NR5A2: variants seen among roughly 807,000 people sequenced by gnomAD.
The protein encoded by NR5A2 is nuclear receptor subfamily 5 group A member 2.
In NR5A2, 26 loss-of-function variants were observed where a neutral mutation model predicts 62.7. The observed-to-expected ratio is 0.41, with a 90% confidence interval of 0.30 to 0.58. NR5A2 has a LOEUF of 0.58. NR5A2 is among the 20% of genes least tolerant of loss of function. The pLI, the probability that NR5A2 is intolerant of heterozygous loss-of-function variation, is 0.22. For synonymous variants in NR5A2, 246 were observed against 241.7 expected, an observed-to-expected ratio of 1.02 and a Z score of -0.16; for missense variants, 541 against 669.1, an observed-to-expected ratio of 0.81 and a Z score of 2.11.
chr1:200,161,598 A>T (rs1653647019), intron 7 of NR5A2, among the ~76,000 whole-genome samples: 1 of 152,180 alleles, frequency 6.6e-6, no homozygotes, highest in South Asian at 2.1e-4. Flanking sequence ...CAAACATATC[A>T]AATGGTTTTC....
chr1:200,131,468 T>C (rs745554838), intron 7 of NR5A2, among the ~76,000 whole-genome samples: 6 of 152,232 alleles, frequency 3.9e-5, no homozygotes, highest in Non-Finnish European at 5.9e-5. Context: ...ATGCTTATCT[T>C]GTCATTTTGC....
At chr1:200,148,444 G>A (rs530878159) in intron 7 of NR5A2, among the ~76,000 whole-genome samples, 3 of 152,156 alleles carry the variant, frequency 2.0e-5, no homozygotes, top group Non-Finnish European at 4.4e-5. Flanking sequence ...GAAGACACCA[G>A]CCCCAGGCAG....
intron 7 of NR5A2, among the ~76,000 whole-genome samples, chr1:200,144,703 CT>C (rs1244007317): frequency 3.3e-5 from 5 of 152,188 alleles, no homozygotes; most frequent in African/African-American, 1.2e-4. Flanking sequence ...TTAAGAAACT[CT>C]TGTGTACTAG....
intron 5 of NR5A2, among the ~76,000 whole-genome samples, chr1:200,097,045 A>C (rs1665135162): frequency 6.6e-6 from 1 of 152,234 alleles, no homozygotes; most frequent in African/African-American, 2.4e-5. Context: ...AGCCATGAGA[A>C]TACCTCTAGA....
At chr1:200,073,235 C>CATATATATATATATATATAT (rs3033980) in intron 5 of NR5A2, among the ~76,000 whole-genome samples, 3 of 105,928 alleles carry the variant, frequency 2.8e-5, no homozygotes, top group African/African-American at 1.1e-4. Context: ...CATTTACATA[C>CATATATATATATATATATAT]ATATATATAT....
intron 7 of NR5A2, among the ~76,000 whole-genome samples, chr1:200,164,502 A>C (rs1035646416): frequency 1.3e-4 from 20 of 152,086 alleles, no homozygotes; most frequent in African/African-American, 4.6e-4. Flanking sequence ...AAATATGCAC[A>C]ATGTAAAATT....
intron 5 of NR5A2, among the ~76,000 whole-genome samples, chr1:200,062,976 A>G (rs1474457595): frequency 9.9e-5 from 15 of 151,926 alleles, no homozygotes; most frequent in Non-Finnish European, 2.2e-4. Context: ...ACTTAGTTCA[A>G]GTAACATCAG....
At chr1:200,132,967 A>T (rs1475593396) in intron 7 of NR5A2, among the ~76,000 whole-genome samples, 1 of 152,216 alleles carries the variant, frequency 6.6e-6, no homozygotes, top group African/African-American at 2.4e-5. Flanking sequence ...CTTATTTCTG[A>T]GTAAGAAAAT....
At chr1:200,041,010 G>A (rs1356889626) in intron 2 of NR5A2, among the ~76,000 whole-genome samples, 1 of 152,172 alleles carries the variant, frequency 6.6e-6, no homozygotes, top group African/African-American at 2.4e-5. Flanking sequence ...ATGGGAACCC[G>A]GTTGGTCCAA....
intron 7 of NR5A2, among the ~76,000 whole-genome samples, chr1:200,164,864 G>A (rs1400152104): frequency 1.5e-5 from 2 of 133,676 alleles, no homozygotes; most frequent in East Asian, 4.5e-4. Context: ...ATTTTTTAGA[G>A]CAGTTTTTTT....
intron 5 of NR5A2, among the ~76,000 whole-genome samples, chr1:200,103,302 T>A (rs1416914469): frequency 6.6e-6 from 1 of 152,002 alleles, no homozygotes; most frequent in Non-Finnish European, 1.5e-5. Flanking sequence ...TTTTTGTATT[T>A]TTGGTAGAGA....
At chr1:200,049,026 T>TG (rs919012079) in intron 5 of NR5A2, among the ~76,000 whole-genome samples, 7 of 152,014 alleles carry the variant, frequency 4.6e-5, no homozygotes, top group Non-Finnish European at 8.8e-5. Context: ...GCTCTTAGTT[T>TG]GGGGGGGCTG....
intron 5 of NR5A2, among the ~76,000 whole-genome samples, chr1:200,086,242 A>G (rs1464512363): frequency 6.6e-6 from 1 of 152,192 alleles, no homozygotes; most frequent in Non-Finnish European, 1.5e-5. Flanking sequence ...TATTTATGCC[A>G]AACAATTAAG....
At chr1:200,060,987 G>T (rs1663185855) in intron 5 of NR5A2, among the ~76,000 whole-genome samples, 1 of 149,016 alleles carries the variant, frequency 6.7e-6, no homozygotes, top group African/African-American at 2.5e-5. Flanking sequence ...TGGCATGGCA[G>T]CGGCCACCTG....
At position 200,123,744 on chromosome 1, in the gene NR5A2, T is replaced by TA. The variant is rs1476526621; in HGVS notation, c.1378+2790dup. ...TCAGAAGTTTTATTTTTATTTTACT[T>TA]ATTTAATTTTTTTTTTTTTTTGCTT... On this transcript the variant is annotated intron_variant, in intron 7 of 7. Coordinates refer to ENST00000367362, the MANE Select transcript of NR5A2 (RefSeq NM_205860.3). Among the ~76,000 whole-genome samples, 433 of 146,298 alleles carry TA rather than the reference T, an allele frequency of 3.0e-3. 1 individual carries two copies. The highest frequency in any genetic ancestry group is 0.011 in the African/African-American group (424 of 39,222).
At chr1:200,051,214 C>T (rs1290290962) in intron 5 of NR5A2, among the ~76,000 whole-genome samples, 1 of 152,076 alleles carries the variant, frequency 6.6e-6, no homozygotes, top group Non-Finnish European at 1.5e-5. Flanking sequence ...AAAATAAAGA[C>T]AGCCGCAGAG....
At chr1:200,165,349 C>T (rs1653851625) in intron 7 of NR5A2, among the ~76,000 whole-genome samples, 1 of 152,148 alleles carries the variant, frequency 6.6e-6, no homozygotes, top group Non-Finnish European at 1.5e-5. Context: ...GACACATCCT[C>T]ATCACCCAAA....
intron 5 of NR5A2, among the ~76,000 whole-genome samples, chr1:200,060,826 G>A (rs1663168391): frequency 2.0e-5 from 3 of 151,846 alleles, no homozygotes; most frequent in Admixed American, 6.6e-5. Flanking sequence ...AGTCTGGGCT[G>A]GGTGTGATGG....
Position 200,167,821 on chromosome 1 carries a change from G to A in NR5A2, c.1379-6142G>A, listed in dbSNP as rs114209749. Among the ~76,000 whole-genome samples, 1,251 of 152,164 alleles carry A rather than the reference G, an allele frequency of 8.2e-3. 18 individuals are homozygous for A. Among genetic ancestry groups the A allele is most frequent in the African/African-American group, 0.029 (1,189 of 41,486 alleles). The stretch of plus-strand genomic sequence containing the variant: ...TAGACCACTGTCTGCTAGGATGTGC[G>A]TTCTCTTCCACGCGTTGCTCAGCTC... On this transcript the variant is annotated intron_variant, in intron 7 of 7. Transcript: ENST00000367362.
Sources: gnomAD v4.1 joint callset for allele counts (sites outside exome capture counted in the v4.1 genomes callset) on GRCh38, gnomAD v4.1.1 for gene constraint, MANE v1.5 for transcripts, NCBI Gene and HGNC (gene_info 2026-07-23, HGNC 2026-07-21) for gene names.